Variants in THADA observed in about 807,000 individuals in gnomAD.
THADA encodes tRNA (32-2'-O)-methyltransferase regulator THADA.
In THADA, 213 loss-of-function variants were observed where a neutral mutation model predicts 219.8. The observed-to-expected ratio is 0.97, with a 90% confidence interval of 0.87 to 1.09. The LOEUF (loss-of-function observed/expected upper bound fraction) is 1.09, where lower values mean the gene tolerates loss of function less well. Ranked by LOEUF, THADA falls within the 50% of genes least tolerant of loss-of-function variation. THADA has a pLI of 0.00. For synonymous variants in THADA, 1,018 were observed against 828.9 expected (o/e 1.23, Z -3.92); for missense variants, 2,956 against 2,311.3 (o/e 1.28, Z -5.72).
chr2:43,550,415 C>T (rs887357455), intron 19 of THADA, among the ~76,000 whole-genome samples: 5 of 152,064 alleles, frequency 3.3e-5, no homozygotes, highest in Admixed American at 2.0e-4. Context: ...CTAACAATGA[C>T]CCCAAAAGAA....
At chr2:43,264,954 T>G (rs1279210890) in intron 36 of THADA, among the ~76,000 whole-genome samples, 2 of 152,242 alleles carry the variant, frequency 1.3e-5, no homozygotes, top group Admixed American at 6.5e-5. Flanking sequence ...ACTTTCAGCA[T>G]GGATGGAAGG....
At chr2:43,406,612 A>C (rs2104745517) in intron 28 of THADA, among the ~76,000 whole-genome samples, 1 of 152,374 alleles carries the variant, frequency 6.6e-6, no homozygotes, top group Middle Eastern at 3.4e-3. Context: ...TATGGAAAAG[A>C]CTTTATAGCA....
Position 43,443,882 on chromosome 2 carries a change from G to A in THADA, c.3837-13580C>T, listed in dbSNP as rs115309415. Among the ~76,000 whole-genome samples, 1,074 of 152,294 alleles carry A rather than the reference G, an allele frequency of 7.1e-3. 12 individuals are homozygous for A. Among genetic ancestry groups the A allele is most frequent in the African/African-American group, 0.025 (1,023 of 41,550 alleles). On this transcript the variant is annotated intron_variant, in intron 26 of 37. Transcript: ENST00000405975. Reference sequence around the variant, plus strand: ...TGCCTAGCACAAAGCATAAGGTGCAGAGAGCAAGAGTGGCGGTAACCTCTA... The same window carrying A: ...TGCCTAGCACAAAGCATAAGGTGCAAAGAGCAAGAGTGGCGGTAACCTCTA...
intron 28 of THADA, among the ~76,000 whole-genome samples, chr2:43,402,152 G>T (rs749880713): frequency 5.3e-5 from 8 of 152,128 alleles, no homozygotes; most frequent in Non-Finnish European, 8.8e-5. Flanking sequence ...ATACATCAAT[G>T]ACCACACGAT....
At position 43,231,216 on chromosome 2, in the gene THADA, G is replaced by A; in HGVS notation, c.5594C>T (p.Pro1865Leu). The A allele has an allele frequency of 4.3e-6, 7 of 1,613,858 alleles. No homozygotes were observed. The highest frequency in any genetic ancestry group is 5.1e-6 in the Non-Finnish European group (6 of 1,179,824). Residue 1865 changes from proline (P) to leucine (L), a missense_variant, in exon 38 of 38, where the codon CCT becomes CTT. Pro to Leu is a moderately conservative substitution (Grantham distance 98). Coordinates refer to ENST00000405975, the MANE Select transcript of THADA (RefSeq NM_022065.5). Reference sequence around the variant, plus strand: ...CCTTTGAAGGTGACAGAGCATCTCAGGGCTTGGGGGACGCCAGCCGGACTT... The same window carrying A: ...CCTTTGAAGGTGACAGAGCATCTCAAGGCTTGGGGGACGCCAGCCGGACTT... ...LSKSGWRPPS[P>L]EMLCHLQRMV...
At chr2:43,269,784 T>A (rs755778319) in intron 36 of THADA, among the ~76,000 whole-genome samples, 1 of 152,208 alleles carries the variant, frequency 6.6e-6, no homozygotes, top group Non-Finnish European at 1.5e-5. Flanking sequence ...CCACAATTCC[T>A]AGCCTCTTCT....
chr2:43,430,512 T>C (rs1679098730), intron 26 of THADA: 2 of 539,362 alleles, frequency 3.7e-6, no homozygotes, highest in Non-Finnish European at 6.7e-6. Flanking sequence ...TGAACTTTTA[T>C]CTCAAAATTT....
At chr2:43,320,179 G>A (rs1678531845) in intron 31 of THADA, among the ~76,000 whole-genome samples, 2 of 152,198 alleles carry the variant, frequency 1.3e-5, no homozygotes, top group African/African-American at 4.8e-5. Flanking sequence ...AAAAGCCGGG[G>A]TCGTAGATGC....
At chr2:43,378,802 C>T (rs1671671226) in intron 29 of THADA, among the ~76,000 whole-genome samples, 1 of 152,134 alleles carries the variant, frequency 6.6e-6, no homozygotes, top group African/African-American at 2.4e-5. Flanking sequence ...GACGGGGTTT[C>T]TCTATGTTGG....
intron 26 of THADA, among the ~76,000 whole-genome samples, chr2:43,474,373 G>T (rs898505122): frequency 6.6e-6 from 1 of 152,160 alleles, no homozygotes; most frequent in Non-Finnish European, 1.5e-5. Flanking sequence ...CTCTTCCCCT[G>T]AGAGAGAGGA....
At chr2:43,445,729 G>A (rs1037231630) in intron 26 of THADA, among the ~76,000 whole-genome samples, 4 of 152,112 alleles carry the variant, frequency 2.6e-5, no homozygotes, top group Non-Finnish European at 4.4e-5. Flanking sequence ...CTAAGAGTGC[G>A]GTAGCACAGT....
rs756896707 is a variant in THADA at position 43,551,824 on chromosome 2, G to T, written c.2912C>A (p.Ser971Tyr). Residue 971 changes from serine to tyrosine, a missense_variant, in exon 19 of 38, where the codon TCC (serine) becomes TAC (tyrosine). Ser to Tyr is a moderately radical substitution (Grantham distance 144). Coordinates refer to ENST00000405975, the MANE Select transcript of THADA (RefSeq NM_022065.5). Reference sequence around the variant, plus strand: ...GTCCATTGGGATGAGGCCTTCAGGGGATGAGCTCTGAATGACTGGAGACAC... The same window carrying T: ...GTCCATTGGGATGAGGCCTTCAGGGTATGAGCTCTGAATGACTGGAGACAC... ...TVVSPVIQSS[S>Y]PEGLIPMDTD... 9 of 1,613,684 alleles carry T rather than the reference G, an allele frequency of 5.6e-6. No homozygotes were observed. In the Admixed American group the frequency reaches 1.5e-4, roughly 27 times the overall value.
rs56934068 is a variant in THADA at position 43,589,333 on chromosome 2, C to A, written c.302+1491G>T. ...TGTCATATGCTATAACAGGGATGAA[C>A]CTTAAGGACATTATGTTAAGTGAAA... is the stretch of plus-strand genomic sequence containing the variant. On this transcript the variant is annotated intron_variant, in intron 4 of 37. Coordinates refer to ENST00000405975, the MANE Select transcript of THADA (RefSeq NM_022065.5). 8.3e-3 allele frequency among the ~76,000 whole-genome samples: 1,269 copies of A among 152,098 alleles called. 15 individuals are homozygous for A. The highest frequency in any genetic ancestry group is 0.026 in the African/African-American group (1,062 of 41,496).
intron 29 of THADA, among the ~76,000 whole-genome samples, chr2:43,365,595 A>G (rs534735752): frequency 5.3e-5 from 8 of 151,848 alleles, no homozygotes; most frequent in Non-Finnish European, 8.8e-5. Context: ...ACACACACAC[A>G]CACGCACAAA....
intron 22 of THADA, among the ~76,000 whole-genome samples, chr2:43,515,234 TAA>T (rs1691442130): frequency 2.8e-5 from 2 of 70,594 alleles, no homozygotes; most frequent in South Asian, 4.4e-4. Context: ...ATATAATATA[TAA>T]TATATAATAT....
intron 29 of THADA, among the ~76,000 whole-genome samples, chr2:43,383,254 C>G (rs1672253675): frequency 6.6e-6 from 1 of 152,174 alleles, no homozygotes; most frequent in Non-Finnish European, 1.5e-5. Flanking sequence ...TCAAACCAAT[C>G]AACCTAGGCT....
intron 31 of THADA, among the ~76,000 whole-genome samples, chr2:43,300,180 A>G (rs1367327542): frequency 6.6e-6 from 1 of 151,974 alleles, no homozygotes; most frequent in Non-Finnish European, 1.5e-5. Context: ...TCTGTCACCC[A>G]GGCTGAGTGC....
At position 43,353,943 on chromosome 2, in the gene THADA, G is replaced by A. The variant is rs368010194; in HGVS notation, c.4228-9706C>T. Among the ~76,000 whole-genome samples, 13 of 151,836 alleles carry A rather than the reference G, an allele frequency of 8.6e-5. No individual in the cohort carries two copies. The East Asian group carries it at 1.9e-3, about 23-fold the overall frequency. On this transcript the variant is annotated intron_variant, in intron 29 of 37. Transcript: ENST00000405975. ...CGCCATTCTCCTGCCTCAGCCTCCC[G>A]AGTAGCTAGGACTACAGGTGCCTGC...
At chr2:43,325,279 G>A (rs1202017007) in intron 30 of THADA, among the ~76,000 whole-genome samples, 3 of 150,468 alleles carry the variant, frequency 2.0e-5, no homozygotes, top group East Asian at 1.9e-4. Context: ...TGTCCCTTCC[G>A]GAATCCCAGT....
Sources: gnomAD v4.1 joint callset for allele counts (sites outside exome capture counted in the v4.1 genomes callset) on GRCh38, gnomAD v4.1.1 for gene constraint, MANE v1.5 for transcripts, NCBI Gene and HGNC (gene_info 2026-07-23, HGNC 2026-07-21) for gene names.